IQSEC1: variants seen among roughly 807,000 people sequenced by gnomAD.
IQSEC1 encodes IQ motif and SEC7 domain-containing protein 1.
Under a neutral mutation model 91.0 loss-of-function variants are expected in IQSEC1, and 31 were observed. The ratio of observed to expected loss-of-function variants is 0.34; its 90% CI spans 0.26 to 0.46. The LOEUF (loss-of-function observed/expected upper bound fraction) is 0.46. IQSEC1 is among the 20% of genes least tolerant of loss of function. IQSEC1 has a pLI of 1.00. For synonymous variants in IQSEC1, 699 were observed against 662.6 expected, an observed-to-expected ratio of 1.05 and a Z score of -0.84; for missense variants, 1,388 against 1,575.6, an observed-to-expected ratio of 0.88 and a Z score of 2.02.
chr3:13,025,222 C>T lies in IQSEC1; in HGVS notation c.23+47770G>A, dbSNP rs116198364. Among the ~76,000 whole-genome samples, 1,219 of 152,332 alleles carry T rather than the reference C, an allele frequency of 8.0e-3. 17 individuals are homozygous for T. Among genetic ancestry groups the T allele is most frequent in the African/African-American group, 0.027 (1,136 of 41,568 alleles). ...GGCAGGTCTGCGTGGAAGCCTTCAC[C>T]CCCTCAGCCATTCCATCTCCCCAGC... On this transcript the variant is annotated intron_variant, in intron 1 of 13. Coordinates refer to ENST00000613206, the MANE Select transcript of IQSEC1 (RefSeq NM_001134382.3).
intron 1 of IQSEC1, among the ~76,000 whole-genome samples, chr3:13,010,707 CCAAA>C (rs1263926303): frequency 6.6e-6 from 1 of 152,112 alleles, no homozygotes; most frequent in Non-Finnish European, 1.5e-5. Flanking sequence ...TTTTAATCAA[CCAAA>C]CAAATACTGG....
chr3:12,899,960 C>T lies in IQSEC1; in HGVS notation c.*1023G>A, dbSNP rs1694063829. 1.0e-6 allele frequency: 1 copy of T among 985,168 alleles called. No individual in the cohort carries two copies. Among genetic ancestry groups the T allele is most frequent in the Non-Finnish European group, 1.2e-6 (1 of 829,870 alleles). The allele number at this position is 985,168 out of a possible 1,614,324, so 61.0% of individuals were successfully genotyped here. A position where few individuals can be genotyped will look rare whatever the true frequency, so the allele number is the denominator to read the frequency against. ...ATGAGTGTGCGTCAAATCATATGCG[C>T]ATAAAAGAAACATGGATCATGGAGA... On this transcript the variant is annotated 3_prime_UTR_variant, in exon 14 of 14. Transcript: ENST00000613206.
intron 1 of IQSEC1, among the ~76,000 whole-genome samples, chr3:13,002,530 G>A (rs1702461834): frequency 7.2e-6 from 1 of 139,694 alleles, no homozygotes; most frequent in Non-Finnish European, 1.5e-5. Flanking sequence ...CTGGGTGAGT[G>A]AGTGAGACCT....
At chr3:13,041,964 G>A (rs989305629) in intron 1 of IQSEC1, among the ~76,000 whole-genome samples, 3 of 152,234 alleles carry the variant, frequency 2.0e-5, no homozygotes, top group Non-Finnish European at 4.4e-5. Flanking sequence ...AGAGCAGGCC[G>A]GGGACCCCGG....
intron 1 of IQSEC1, among the ~76,000 whole-genome samples, chr3:13,013,534 C>T (rs192282932): frequency 2.5e-4 from 38 of 152,312 alleles, no homozygotes; most frequent in African/African-American, 8.2e-4. Context: ...GCCTGATGGC[C>T]TACAGGTGTT....
chr3:12,907,934 G>A (rs192545971), intron 12 of IQSEC1, among the ~76,000 whole-genome samples: 19 of 152,266 alleles, frequency 1.2e-4, no homozygotes, highest in African/African-American at 3.9e-4. Flanking sequence ...GCAAGGGGGC[G>A]CCAGACAGAT....
At chr3:12,998,806 C>T (rs1702316048) in intron 1 of IQSEC1, among the ~76,000 whole-genome samples, 1 of 151,766 alleles carries the variant, frequency 6.6e-6, no homozygotes, top group Non-Finnish European at 1.5e-5. Context: ...ACTGTGGAGA[C>T]AGTGGGGATG....
intron 1 of IQSEC1, among the ~76,000 whole-genome samples, chr3:12,996,736 C>G (rs1054730865): frequency 6.6e-6 from 1 of 152,058 alleles, no homozygotes; most frequent in Non-Finnish European, 1.5e-5. Flanking sequence ...GATGACTAAC[C>G]CATTAGAAAA....
intron 1 of IQSEC1, among the ~76,000 whole-genome samples, chr3:13,280,851 A>G (rs937742805): frequency 7.9e-5 from 12 of 152,338 alleles, no homozygotes; most frequent in African/African-American, 2.6e-4. Flanking sequence ...TCTCCCTCAC[A>G]GGCCTTGGCT....
intron 2 of IQSEC1, among the ~76,000 whole-genome samples, chr3:13,086,656 A>G (rs752683361): frequency 5.3e-5 from 8 of 152,078 alleles, no homozygotes; most frequent in African/African-American, 7.2e-5. Context: ...GCTCCCTTCC[A>G]TGAGAGCCTC....
intron 3 of IQSEC1, among the ~76,000 whole-genome samples, chr3:12,929,226 C>G (rs1379911563): frequency 6.6e-6 from 1 of 152,170 alleles, no homozygotes. Context: ...TGTGAAGAAT[C>G]CATGAGTTCG....
chr3:12,944,608 G>A (rs1353683039), intron 1 of IQSEC1, among the ~76,000 whole-genome samples: 1 of 152,212 alleles, frequency 6.6e-6, no homozygotes, highest in Non-Finnish European at 1.5e-5. Flanking sequence ...GCCCGGGACT[G>A]GAAGCACTTC....
chr3:13,275,668 C>A (rs1695664940), intron 1 of IQSEC1, among the ~76,000 whole-genome samples: 1 of 152,272 alleles, frequency 6.6e-6, no homozygotes, highest in Admixed American at 6.5e-5. Context: ...TGCTCTGGGG[C>A]TGCACACCAC....
At chr3:13,101,064 G>T (rs1256990042) in intron 2 of IQSEC1, among the ~76,000 whole-genome samples, 1 of 152,104 alleles carries the variant, frequency 6.6e-6, no homozygotes, top group African/African-American at 2.4e-5. Context: ...GAGGGACTGA[G>T]CTGGGAAGAG....
intron 12 of IQSEC1, among the ~76,000 whole-genome samples, chr3:12,904,264 C>A (rs1694717006): frequency 6.6e-6 from 1 of 152,196 alleles, no homozygotes. Flanking sequence ...GTCTGCTGAC[C>A]CCAAACCAGA....
chr3:13,033,512 T>C (rs541150829), intron 1 of IQSEC1, among the ~76,000 whole-genome samples: 2 of 152,126 alleles, frequency 1.3e-5, no homozygotes, highest in South Asian at 2.1e-4. Flanking sequence ...GAGATGCATA[T>C]ATATGTATAT....
chr3:13,163,978 G>C (rs1471190786), intron 2 of IQSEC1, among the ~76,000 whole-genome samples: 6 of 152,204 alleles, frequency 3.9e-5, no homozygotes, highest in African/African-American at 1.4e-4. Context: ...AGGGCTGAAG[G>C]GGGCAGCCAG....
chr3:12,957,617 C>G (rs1310673376), intron 1 of IQSEC1, among the ~76,000 whole-genome samples: 1 of 152,166 alleles, frequency 6.6e-6, no homozygotes, highest in Non-Finnish European at 1.5e-5. Context: ...GAGGCTGGCT[C>G]TGGACAGGGT....
intron 2 of IQSEC1, among the ~76,000 whole-genome samples, chr3:13,152,450 A>C (rs2124962295): frequency 1.3e-5 from 2 of 152,390 alleles, no homozygotes; most frequent in East Asian, 3.9e-4. Context: ...GAGCTCTCTG[A>C]GACATGAAAC....
Sources: allele counts gnomAD v4.1 joint callset (sites outside exome capture counted in the v4.1 genomes callset), GRCh38; gene constraint gnomAD v4.1.1; transcripts MANE v1.5; gene names NCBI Gene and HGNC (gene_info 2026-07-23, HGNC 2026-07-21).